Variants in TDRD9 observed in about 807,000 individuals in gnomAD.
The protein encoded by TDRD9 is tudor domain containing 9.
Under a neutral mutation model 172.6 loss-of-function variants are expected in TDRD9, and 124 were observed. The observed-to-expected ratio is 0.72, with a 90% CI of 0.62 to 0.83. The LOEUF is 0.83. TDRD9 is among the 40% of genes least tolerant of loss of function. The pLI is 0.00. For missense variants in TDRD9, 1,479 were observed against 1,714.1 expected (o/e 0.86, Z 2.42); for synonymous variants, 619 against 617.1 (o/e 1.00, Z -0.05).
At chr14:103,938,384 G>A (rs1468880782) in intron 1 of TDRD9, among the ~76,000 whole-genome samples, 78 of 2,886 alleles carry the variant, frequency 0.027, no homozygotes, top group African/African-American at 0.032. Context: ...CCCCATATAT[G>A]TGTGTGTGTG....
chr14:104,014,481 A>C (rs1212564182), intron 20 of TDRD9, among the ~76,000 whole-genome samples: 1 of 151,846 alleles, frequency 6.6e-6, no homozygotes. Context: ...GGGTTTCGCC[A>C]TGTTGCCCGG....
intron 5 of TDRD9, among the ~76,000 whole-genome samples, chr14:103,968,967 G>T (rs1269600496): frequency 1.3e-5 from 2 of 148,348 alleles, no homozygotes; most frequent in African/African-American, 2.5e-5. Context: ...GGGCATGGTG[G>T]CGGGCACCTG....
At chr14:104,029,392 C>T (rs1333165265) in intron 28 of TDRD9, among the ~76,000 whole-genome samples, 1 of 152,138 alleles carries the variant, frequency 6.6e-6, no homozygotes, top group Non-Finnish European at 1.5e-5. Context: ...AGAGATCATT[C>T]ACCTCCTTGG....
intron 9 of TDRD9, among the ~76,000 whole-genome samples, chr14:103,994,007 G>A (rs1478809508): frequency 6.6e-6 from 1 of 152,180 alleles, no homozygotes; most frequent in Non-Finnish European, 1.5e-5. Context: ...TAAAGATTTT[G>A]CATGCTCATT....
At chr14:103,968,251 C>T (rs2032841458) in intron 5 of TDRD9, among the ~76,000 whole-genome samples, 1 of 152,250 alleles carries the variant, frequency 6.6e-6, no homozygotes, top group African/African-American at 2.4e-5. Context: ...ATCGCGCCAT[C>T]ACGGCAGCTT....
intron 3 of TDRD9, among the ~76,000 whole-genome samples, chr14:103,964,891 C>T (rs2032666945): frequency 6.6e-6 from 1 of 152,222 alleles, no homozygotes; most frequent in East Asian, 1.9e-4. Flanking sequence ...CCTCCTTGCT[C>T]TCTTGTGTTG....
At chr14:103,964,673 C>T (rs918007814) in intron 3 of TDRD9, among the ~76,000 whole-genome samples, 4 of 152,096 alleles carry the variant, frequency 2.6e-5, no homozygotes, top group Non-Finnish European at 4.4e-5. Flanking sequence ...ACTACAGGCG[C>T]GCTACCATGC....
intron 12 of TDRD9, among the ~76,000 whole-genome samples, chr14:103,996,593 A>G (rs2034067575): frequency 6.6e-6 from 1 of 152,210 alleles, no homozygotes; most frequent in South Asian, 2.1e-4. Flanking sequence ...GCTGGGGTGT[A>G]GGGAACGGGT....
Position 103,963,177 on chromosome 14 carries a change from G to A in TDRD9, c.420+1G>A. The A allele has an allele frequency of 6.5e-7, 1 of 1,541,328 alleles. No homozygotes were observed. Among genetic ancestry groups the A allele is most frequent in the South Asian group, 1.2e-5 (1 of 82,630 alleles). On this transcript the variant is annotated splice_donor_variant, in intron 3 of 35. Transcript: ENST00000409874. LOFTEE classifies it high-confidence loss of function. The stretch of plus-strand genomic sequence containing the variant: ...GCCTATAAGTCGATACAAGGAAGAG[G>A]TAAAATTGTTTTGTTATACTGTAAT...
chr14:104,018,260 T>G, intron 23 of TDRD9, 68 bp downstream of exon 23: 1 of 1,039,632 alleles, frequency 9.6e-7, no homozygotes, highest in African/African-American at 1.6e-5. Context: ...TTCCAGACGC[T>G]GATTGTTAAA....
At position 103,997,247 on chromosome 14, in the gene TDRD9, A is replaced by G. The variant is rs987453809; in HGVS notation, c.1379-1377A>G. 2.0e-5 allele frequency among the ~76,000 whole-genome samples: 3 copies of G among 152,228 alleles called. No individual in the cohort carries two copies. Among genetic ancestry groups the G allele is most frequent in the African/African-American group, 4.8e-5 (2 of 41,462 alleles). Reference sequence around the variant, plus strand: ...ACTTAGGAGGGTGTCACAAGAATCTAGGCGACAATGGGTGGTGCTTAGAAA... The same window carrying G: ...ACTTAGGAGGGTGTCACAAGAATCTGGGCGACAATGGGTGGTGCTTAGAAA... On this transcript the variant is annotated intron_variant, in intron 12 of 35. Coordinates refer to ENST00000409874, the MANE Select transcript of TDRD9 (RefSeq NM_153046.3). The surrounding 1 kb of genome is among the most constrained non-coding windows in gnomAD (Gnocchi z 5.1).
rs148982872 is a variant in TDRD9 at position 103,990,063 on chromosome 14, G to A, written c.1116-1097G>A. Among the ~76,000 whole-genome samples, 172 of 152,286 alleles carry A rather than the reference G, an allele frequency of 1.1e-3. 1 individual carries two copies. The highest frequency in any genetic ancestry group is 4.0e-3 in the African/African-American group (165 of 41,554). On this transcript the variant is annotated intron_variant, in intron 8 of 35. Transcript: ENST00000409874. ...GGCCATGTCTCCTTCCACCCAAAGC[G>A]GTACCACCAGATGGACGGCCTCACC...
At chr14:103,955,824 T>C in intron 2 of TDRD9, 54 bp downstream of exon 2, 1 of 1,419,876 alleles carries the variant, frequency 7.0e-7, no homozygotes, top group Non-Finnish European at 9.7e-7. Context: ...GTTCACATGC[T>C]AAAATATTAG....
intron 7 of TDRD9, among the ~76,000 whole-genome samples, chr14:103,985,597 G>A (rs2033631921): frequency 2.0e-5 from 3 of 152,080 alleles, no homozygotes; most frequent in South Asian, 2.1e-4. Flanking sequence ...GTTTGGTAGC[G>A]GTGCCTGAGG....
intron 1 of TDRD9, among the ~76,000 whole-genome samples, chr14:103,947,856 G>T (rs1418859470): frequency 1.3e-5 from 2 of 151,924 alleles, no homozygotes; most frequent in Non-Finnish European, 2.9e-5. Flanking sequence ...GGCAACAAAA[G>T]AAGAAAGACA....
At position 104,007,174 on chromosome 14, in the gene TDRD9, C is replaced by T; in HGVS notation, c.2022C>T (p.Cys674=). 2 of 1,613,856 alleles carry T rather than the reference C, an allele frequency of 1.2e-6. No individual in the cohort carries two copies. Among genetic ancestry groups the T allele is most frequent in the African/African-American group, 1.3e-5 (1 of 75,036 alleles). ...LVEAFKTWKA[C]RQTGELRYPK... is the part of the protein sequence containing the mutation. ...TTTATTTTCAGACATGGAAGGCTTG[C>T]AGACAGACAGGGGAGCTGCGGTACC... Residue 674 remains cysteine (C), a synonymous_variant, in exon 19 of 36, where the codon TGC becomes TGT. Coordinates refer to ENST00000409874, the MANE Select transcript of TDRD9 (RefSeq NM_153046.3).
chr14:104,009,728 T>C (rs545754577), intron 20 of TDRD9, among the ~76,000 whole-genome samples: 2 of 152,176 alleles, frequency 1.3e-5, no homozygotes, highest in South Asian at 4.1e-4. Flanking sequence ...AATATTTTCT[T>C]TCTTTATATC....
chr14:103,935,803 C>G (rs542697130), intron 1 of TDRD9, among the ~76,000 whole-genome samples: 1 of 152,158 alleles, frequency 6.6e-6, no homozygotes, highest in South Asian at 2.1e-4. Context: ...GTGCCCTGCA[C>G]ACGCATATCT....
At chr14:104,037,596 A>G (rs1271915786) in intron 32 of TDRD9, among the ~76,000 whole-genome samples, 6 of 152,268 alleles carry the variant, frequency 3.9e-5, no homozygotes, top group Admixed American at 6.5e-5. Flanking sequence ...AAAAAGGGGA[A>G]GGAGATATGT....
Sources: allele counts gnomAD v4.1 joint callset (sites outside exome capture counted in the v4.1 genomes callset), GRCh38; gene constraint gnomAD v4.1.1; non-coding constraint Gnocchi (gnomAD v3.1); transcripts MANE v1.5; gene names NCBI Gene and HGNC (gene_info 2026-07-23, HGNC 2026-07-21).